ATF6: variants seen among roughly 807,000 people sequenced by gnomAD.
The protein encoded by ATF6 is activating transcription factor 6, also known as cyclic AMP-dependent transcription factor ATF-6 alpha.
Under a neutral mutation model 83.6 loss-of-function variants are expected in ATF6, and 53 were observed. That is an observed-to-expected ratio of 0.63 (90% CI 0.51 to 0.80). The LOEUF (loss-of-function observed/expected upper bound fraction) is 0.80, where lower values mean the gene tolerates loss of function less well. Among genes scored for constraint, ATF6 ranks in the 30% least tolerant of loss-of-function variants. The pLI is 0.00. For synonymous variants in ATF6, 288 were observed against 285.8 expected, an observed-to-expected ratio of 1.01 and a Z score of -0.08; for missense variants, 744 against 797.9, an observed-to-expected ratio of 0.93 and a Z score of 0.81.
chr1:161,908,759 C>T (rs1236968266), intron 14 of ATF6, among the ~76,000 whole-genome samples: 1 of 152,128 alleles, frequency 6.6e-6, no homozygotes, highest in Non-Finnish European at 1.5e-5. Context: ...CATTCTTATT[C>T]TACTATCCTT....
intron 4 of ATF6, 62 bp downstream of exon 4, chr1:161,784,158 T>C (rs373756154): frequency 2.7e-5 from 31 of 1,137,602 alleles, no homozygotes; most frequent in Admixed American, 7.4e-5. Context: ...AATATGTATA[T>C]GGAGGAGGCA....
At chr1:161,955,044 A>C (rs545255100) in intron 15 of ATF6, among the ~76,000 whole-genome samples, 1 of 152,344 alleles carries the variant, frequency 6.6e-6, no homozygotes, top group Admixed American at 6.5e-5. Flanking sequence ...GTCTTTGCAC[A>C]TAACTCAGCT....
rs557659626 is a variant in ATF6 at position 161,809,187 on chromosome 1, C to T, written c.909+6915C>T. ...TTAGGTATATCTCCTAATGCTATCCCTCCCACCTCCCCCAACCCCACGACA... is the reference window on the plus strand; with the variant it reads ...TTAGGTATATCTCCTAATGCTATCCTTCCCACCTCCCCCAACCCCACGACA... On this transcript the variant is annotated intron_variant, in intron 7 of 15. Coordinates refer to ENST00000367942, the MANE Select transcript of ATF6 (RefSeq NM_007348.4). Among the ~76,000 whole-genome samples, 4 of 152,174 alleles carry T rather than the reference C, an allele frequency of 2.6e-5. No individual in the cohort carries two copies. The East Asian group carries it at 7.7e-4, about 29-fold the overall frequency.
At chr1:161,910,701 T>C (rs1445481203) in intron 14 of ATF6, among the ~76,000 whole-genome samples, 2 of 152,214 alleles carry the variant, frequency 1.3e-5, no homozygotes, top group African/African-American at 2.4e-5. Flanking sequence ...AGCAGTATTT[T>C]AATGATAGGA....
At chr1:161,828,034 C>G (rs1685947115) in intron 9 of ATF6, among the ~76,000 whole-genome samples, 1 of 151,890 alleles carries the variant, frequency 6.6e-6, no homozygotes, top group African/African-American at 2.4e-5. Context: ...AAAGAAAATC[C>G]TCTTCTTATT....
chr1:161,927,554 ATG>A (rs978835830), intron 15 of ATF6, among the ~76,000 whole-genome samples: 1 of 152,136 alleles, frequency 6.6e-6, no homozygotes, highest in Non-Finnish European at 1.5e-5. Flanking sequence ...CAAGACATAA[ATG>A]TGTTAGAAGA....
intron 14 of ATF6, among the ~76,000 whole-genome samples, chr1:161,874,485 A>G (rs1687170615): frequency 6.6e-6 from 1 of 151,684 alleles, no homozygotes; most frequent in Non-Finnish European, 1.5e-5. Flanking sequence ...AATATATCAT[A>G]CAGAATAAAC....
At chr1:161,828,234 A>G (rs1685954705) in intron 9 of ATF6, among the ~76,000 whole-genome samples, 1 of 151,770 alleles carries the variant, frequency 6.6e-6, no homozygotes, top group African/African-American at 2.4e-5. Flanking sequence ...TGTTTTTGGC[A>G]ATATGGTAGG....
chr1:161,927,187 C>T (rs1021074995), intron 15 of ATF6, among the ~76,000 whole-genome samples: 3 of 151,952 alleles, frequency 2.0e-5, no homozygotes, highest in East Asian at 1.9e-4. Context: ...GCTAAGAAAA[C>T]GGGTTGAGGG....
intron 14 of ATF6, among the ~76,000 whole-genome samples, chr1:161,878,359 C>T (rs1402275825): frequency 6.6e-6 from 1 of 152,100 alleles, no homozygotes; most frequent in Non-Finnish European, 1.5e-5. Flanking sequence ...AAGTGATCCA[C>T]CCACCTCAGC....
In ATF6 at chr1:161,785,012, A is replaced by G. The variant is rs185003257; in HGVS notation, c.354+916A>G. On this transcript the variant is annotated intron_variant, in intron 4 of 15. Coordinates refer to ENST00000367942, the MANE Select transcript of ATF6 (RefSeq NM_007348.4). ...AGGATGAAATTTAAATTCCCAGAGT[A>G]CTAGGCTTTCCATGATCTGGCCCCC... Among the ~76,000 whole-genome samples the G allele has an allele frequency of 2.5e-3, 378 of 152,338 alleles. 3 individuals are homozygous for G. The highest frequency in any genetic ancestry group is 8.5e-3 in the African/African-American group (352 of 41,578).
chr1:161,920,294 C>CTGTTTTTTTTT (rs1157916734), intron 15 of ATF6, among the ~76,000 whole-genome samples: 1 of 54,846 alleles, frequency 1.8e-5, no homozygotes, highest in Non-Finnish European at 3.3e-5. Context: ...CTCTCTCTCT[C>CTGTTTTTTTTT]TTTTTTTTTT....
chr1:161,783,728 A>C (rs1159067307), intron 3 of ATF6, among the ~76,000 whole-genome samples: 1 of 151,926 alleles, frequency 6.6e-6, no homozygotes, highest in Non-Finnish European at 1.5e-5. Context: ...ATTAGTGCAG[A>C]TGCAAGTGTA....
intron 14 of ATF6, among the ~76,000 whole-genome samples, chr1:161,904,294 A>G (rs1309064491): frequency 6.6e-6 from 1 of 152,230 alleles, no homozygotes; most frequent in African/African-American, 2.4e-5. Context: ...ATGCACTTTA[A>G]AACTGAATGG....
At chr1:161,876,173 T>C (rs1399735321) in intron 14 of ATF6, among the ~76,000 whole-genome samples, 6 of 151,960 alleles carry the variant, frequency 3.9e-5, no homozygotes, top group Non-Finnish European at 8.8e-5. Context: ...AAAAGGTCTT[T>C]GTTGTTGATT....
chr1:161,927,972 A>G (rs2101900020), intron 15 of ATF6, among the ~76,000 whole-genome samples: 1 of 152,298 alleles, frequency 6.6e-6, no homozygotes, highest in East Asian at 1.9e-4. Context: ...CATTGCCTAT[A>G]TTACCAAATA....
rs146192208 is a variant in ATF6, at chr1:161,802,167, C to T, written c.804C>T (p.His268=). ...VAGGVTQLPN[H]VVNVVPAPSA... ...GGGGAGTCACACAGCTCCCTAATCACGTGGTGAATGTGGTACCAGCCCCTT... is the reference window on the plus strand; with the variant it reads ...GGGGAGTCACACAGCTCCCTAATCATGTGGTGAATGTGGTACCAGCCCCTT... The change falls in exon 7 of 16, where the codon CAC becomes CAT. Residue 268 remains histidine, a synonymous_variant. Coordinates refer to ENST00000367942, the MANE Select transcript of ATF6 (RefSeq NM_007348.4). The T allele has an allele frequency of 3.6e-4, 585 of 1,614,052 alleles. 1 individual carries two copies. In the African/African-American group the frequency reaches 6.5e-3, roughly 18 times the overall value.
At chr1:161,916,101 A>C (rs1688095150) in intron 15 of ATF6, among the ~76,000 whole-genome samples, 2 of 152,132 alleles carry the variant, frequency 1.3e-5, no homozygotes. Flanking sequence ...ATTTCACTTC[A>C]TGAAATGCTC....
intron 9 of ATF6, among the ~76,000 whole-genome samples, chr1:161,836,571 T>A (rs1686222563): frequency 6.6e-6 from 1 of 152,232 alleles, no homozygotes; most frequent in Non-Finnish European, 1.5e-5. Flanking sequence ...TTCATGTTTG[T>A]CAAAAATGTG....
Sources: allele counts gnomAD v4.1 joint callset (sites outside exome capture counted in the v4.1 genomes callset), GRCh38; gene constraint gnomAD v4.1.1; transcripts MANE v1.5; gene names NCBI Gene and HGNC (gene_info 2026-07-23, HGNC 2026-07-21).